Variants in TMEM63C observed in about 807,000 individuals in gnomAD.
TMEM63C encodes osmosensitive cation channel TMEM63C.
A neutral mutation model predicts 99.2 loss-of-function variants in TMEM63C; 32 were observed. The ratio of observed to expected loss-of-function variants is 0.32; its 90% CI spans 0.24 to 0.43. The LOEUF (loss-of-function observed/expected upper bound fraction) is 0.43, where lower values mean the gene tolerates loss of function less well. TMEM63C is among the 20% of genes least tolerant of loss of function. The pLI, the probability that TMEM63C is intolerant of heterozygous loss-of-function variation, is 1.00. For synonymous variants in TMEM63C, 376 were observed against 397.9 expected (o/e 0.94, Z 0.66); for missense variants, 826 against 1,053.0 (o/e 0.78, Z 2.98).
intron 1 of TMEM63C, among the ~76,000 whole-genome samples, chr14:77,195,298 T>C (rs1050423794): frequency 2.0e-5 from 3 of 152,160 alleles, no homozygotes; most frequent in Admixed American, 6.5e-5. Flanking sequence ...TAGAGAGGAT[T>C]GAGCAAGCTG....
intron 1 of TMEM63C, among the ~76,000 whole-genome samples, chr14:77,209,562 C>T (rs759668096): frequency 1.3e-5 from 2 of 152,120 alleles, no homozygotes; most frequent in East Asian, 3.8e-4. Context: ...TGGCTGCTCA[C>T]GTGCATGGGA....
intron 6 of TMEM63C, 104 bp downstream of exon 6, chr14:77,225,565 G>A: frequency 8.3e-7 from 1 of 1,199,136 alleles, no homozygotes; most frequent in Non-Finnish European, 1.2e-6. Flanking sequence ...GACAGGGCCT[G>A]AGCTCCGTAT....
intron 3 of TMEM63C, among the ~76,000 whole-genome samples, chr14:77,219,282 T>C (rs1266561584): frequency 6.6e-6 from 1 of 152,192 alleles, no homozygotes; most frequent in East Asian, 1.9e-4. Flanking sequence ...CTCCATTCAA[T>C]GAACTCTGAG....
In TMEM63C at chr14:77,229,613, AAT is replaced by A. The variant is rs149146698; in HGVS notation, c.351-1957_351-1956del. On this transcript the variant is annotated intron_variant, in intron 6 of 23. Transcript: ENST00000298351. ...CAGGCACATGCTACCACACCCAGCT[AAT>A]ATATATATATATATATAGTAGAGAT... is the stretch of plus-strand genomic sequence containing the variant. 7.0e-4 allele frequency among the ~76,000 whole-genome samples: 82 copies of A among 117,740 alleles called. 2 individuals are homozygous for A. Among genetic ancestry groups the A allele is most frequent in the Middle Eastern group, 4.3e-3 (1 of 234 alleles). The allele number at this position is 117,740 out of a possible 152,430, so 77.2% of individuals were successfully genotyped here.
At chr14:77,238,841 G>C in intron 10 of TMEM63C, 74 bp downstream of exon 10, 3 of 1,217,862 alleles carry the variant, frequency 2.5e-6, no homozygotes, top group Admixed American at 1.8e-5. Flanking sequence ...CAAGTGGGTA[G>C]TGAGTTGGTG....
intron 15 of TMEM63C, among the ~76,000 whole-genome samples, chr14:77,243,505 C>T (rs536516150): frequency 1.7e-4 from 26 of 152,232 alleles, no homozygotes; most frequent in East Asian, 7.7e-4. Flanking sequence ...TAAGCCCCAA[C>T]GCAGCCCTCT....
chr14:77,187,300 G>A (rs1054305479), intron 1 of TMEM63C, among the ~76,000 whole-genome samples: 3 of 152,196 alleles, frequency 2.0e-5, no homozygotes, highest in Non-Finnish European at 2.9e-5. Flanking sequence ...TGCTTGAGAC[G>A]AAAAGACTTG....
chr14:77,216,045 A>G (rs1248590035), intron 2 of TMEM63C, among the ~76,000 whole-genome samples: 3 of 152,016 alleles, frequency 2.0e-5, no homozygotes, highest in Non-Finnish European at 2.9e-5. Flanking sequence ...TCGTGCCTCA[A>G]GTGAAAGAGA....
At chr14:77,254,900 A>G (rs1173973926) in intron 23 of TMEM63C, among the ~76,000 whole-genome samples, 1 of 152,224 alleles carries the variant, frequency 6.6e-6, no homozygotes, top group Non-Finnish European at 1.5e-5. Flanking sequence ...TCTTGCAGAT[A>G]TTTATATACT....
At chr14:77,196,551 G>A (rs1205160493) in intron 1 of TMEM63C, among the ~76,000 whole-genome samples, 3 of 152,206 alleles carry the variant, frequency 2.0e-5, no homozygotes, top group Non-Finnish European at 4.4e-5. Context: ...TGCTAGCTGG[G>A]CCTCCTGGTG....
chr14:77,207,182 C>A (rs1888416489), intron 1 of TMEM63C, among the ~76,000 whole-genome samples: 1 of 152,210 alleles, frequency 6.6e-6, no homozygotes, highest in East Asian at 1.9e-4. Flanking sequence ...AAAGAAACTT[C>A]CTGGCAAGGA....
In TMEM63C at chr14:77,194,332, ATATATGTGTG is replaced by A. The variant is rs1427640131; in HGVS notation, c.-77+12440_-77+12449del. Among the ~76,000 whole-genome samples the A allele has an allele frequency of 8.2e-3, 488 of 59,404 alleles. 3 individuals are homozygous for A. The highest frequency in any genetic ancestry group is 0.027 in the African/African-American group (462 of 17,046). 39.0% of individuals were successfully genotyped at this position (59,404 alleles called of 152,430 possible). A position where few individuals can be genotyped will look rare whatever the true frequency, so the allele number is the denominator to read the frequency against. ...AATAAAGATGCAGGCATAGATATAT[ATATATGTGTG>A]TGTGTGTGTGTGTGTGTGTGTGTGT... On this transcript the variant is annotated intron_variant, in intron 1 of 23. Coordinates refer to ENST00000298351, the MANE Select transcript of TMEM63C (RefSeq NM_020431.4).
intron 1 of TMEM63C, among the ~76,000 whole-genome samples, chr14:77,208,199 G>A (rs1690894475): frequency 6.6e-6 from 1 of 152,212 alleles, no homozygotes; most frequent in Non-Finnish European, 1.5e-5. Context: ...GGGAATCGCA[G>A]GGTCTCGAAA....
intron 1 of TMEM63C, among the ~76,000 whole-genome samples, chr14:77,213,008 A>G (rs1888516992): frequency 6.6e-6 from 1 of 152,246 alleles, no homozygotes; most frequent in South Asian, 2.1e-4. Flanking sequence ...TTCCAGGGGA[A>G]ATAGATACTC....
At position 77,257,342 on chromosome 14, in the gene TMEM63C, C is replaced by T. The variant is rs1300210180; in HGVS notation, c.*616C>T. 2 of 152,688 alleles carry T rather than the reference C, an allele frequency of 1.3e-5. No individual in the cohort carries two copies. The highest frequency in any genetic ancestry group is 2.4e-5 in the African/African-American group (1 of 41,458). The allele number at this position is 152,688 out of a possible 1,614,324, so 9.5% of individuals were successfully genotyped here. A position where few individuals can be genotyped will look rare whatever the true frequency, so the allele number is the denominator to read the frequency against. On this transcript the variant is annotated 3_prime_UTR_variant, in exon 24 of 24. Coordinates refer to ENST00000298351, the MANE Select transcript of TMEM63C (RefSeq NM_020431.4). ...TAGACCTGAGAAGAGGTAACTCAGC[C>T]CCTTCCTGCTCCTCTGCCCTCATCA...
intron 21 of TMEM63C, among the ~76,000 whole-genome samples, chr14:77,251,178 G>A (rs1315181704): frequency 1.3e-5 from 2 of 152,230 alleles, no homozygotes; most frequent in Non-Finnish European, 2.9e-5. Context: ...GTTTTAGTCA[G>A]TTCTCCGTGA....
chr14:77,195,052 G>A (rs1429801700), intron 1 of TMEM63C, among the ~76,000 whole-genome samples: 3 of 152,034 alleles, frequency 2.0e-5, no homozygotes, highest in Non-Finnish European at 2.9e-5. Context: ...CCAGGCATTG[G>A]AGACCAGTCT....
intron 18 of TMEM63C, 75 bp downstream of exon 18, chr14:77,246,749 C>A: frequency 1.6e-6 from 2 of 1,251,854 alleles, no homozygotes; most frequent in South Asian, 1.3e-5. Context: ...TTCCCTGAGT[C>A]CAGCACCTGA....
In TMEM63C at chr14:77,258,867, G is replaced by A. The variant is rs1312418322; in HGVS notation, c.*2141G>A. 1.3e-5 allele frequency: 2 copies of A among 152,360 alleles called. No homozygotes were observed. The highest frequency in any genetic ancestry group is 4.8e-5 in the African/African-American group (2 of 41,460). The allele number at this position is 152,360 out of a possible 1,614,324, so 9.4% of individuals were successfully genotyped here. A position where few individuals can be genotyped will look rare whatever the true frequency, so the allele number is the denominator to read the frequency against. Reference sequence around the variant, plus strand: ...GTCCTGGCAGACAATGTGGCGGGATGACTGGGGGCTTCTCCCTCTGAACCT... The same window carrying A: ...GTCCTGGCAGACAATGTGGCGGGATAACTGGGGGCTTCTCCCTCTGAACCT... On this transcript the variant is annotated 3_prime_UTR_variant, in exon 24 of 24. Coordinates refer to ENST00000298351, the MANE Select transcript of TMEM63C (RefSeq NM_020431.4).
Sources: gnomAD v4.1 joint callset for allele counts (sites outside exome capture counted in the v4.1 genomes callset) on GRCh38, gnomAD v4.1.1 for gene constraint, MANE v1.5 for transcripts, NCBI Gene and HGNC (gene_info 2026-07-23, HGNC 2026-07-21) for gene names.